The following SHISA9 variants were observed in gnomAD, a reference collection of about 807,000 sequenced individuals.
SHISA9 encodes the protein shisa family member 9.
Under a neutral mutation model 38.0 loss-of-function variants are expected in SHISA9, and 13 were observed. The observed-to-expected ratio is 0.34, with a 90% confidence interval of 0.22 to 0.54. The LOEUF (loss-of-function observed/expected upper bound fraction) is 0.54. Ranked by LOEUF, SHISA9 falls within the 20% of genes least tolerant of loss-of-function variation. The pLI is 0.91. For missense variants in SHISA9, 538 were observed against 575.8 expected (o/e 0.93, Z 0.67); for synonymous variants, 275 against 242.0 (o/e 1.14, Z -1.27).
the SHISA9 span, among the ~76,000 whole-genome samples, chr16:13,440,513 A>T: frequency 6.6e-6 from 1 of 152,238 alleles, no homozygotes; most frequent in Non-Finnish European, 1.5e-5. Flanking sequence ...TCAAAATGTC[A>T]AGACTGACGC....
At chr16:13,395,480 G>T in the SHISA9 span, among the ~76,000 whole-genome samples, 2 of 152,228 alleles carry the variant, frequency 1.3e-5, no homozygotes, top group Non-Finnish European at 2.9e-5. Context: ...CGACATTAAG[G>T]GACTGAGCCC....
chr16:13,100,268 C>T (rs1332133206), intron 2 of SHISA9, among the ~76,000 whole-genome samples: 1 of 152,214 alleles, frequency 6.6e-6, no homozygotes, highest in African/African-American at 2.4e-5. Flanking sequence ...CAAGCATACA[C>T]CCAGTTTACT....
At chr16:13,551,409 G>C in the SHISA9 span, among the ~76,000 whole-genome samples, 1 of 152,154 alleles carries the variant, frequency 6.6e-6, no homozygotes, top group Admixed American at 6.5e-5. Context: ...ATTTGTGTTT[G>C]TAAGTACATG....
chr16:13,206,963 C>T (rs960240606), intron 3 of SHISA9, among the ~76,000 whole-genome samples: 1 of 152,228 alleles, frequency 6.6e-6, no homozygotes, highest in Non-Finnish European at 1.5e-5. Flanking sequence ...TTTGGTGGCC[C>T]ACTTCCCTTT....
At chr16:13,043,448 T>G (rs1469342593) in intron 2 of SHISA9, among the ~76,000 whole-genome samples, 1 of 152,250 alleles carries the variant, frequency 6.6e-6, no homozygotes, top group East Asian at 1.9e-4. Flanking sequence ...GATTCCTGAA[T>G]TGGATTTTTA....
At chr16:13,387,989 T>C in the SHISA9 span, among the ~76,000 whole-genome samples, 1 of 152,138 alleles carries the variant, frequency 6.6e-6, no homozygotes. Flanking sequence ...CTGACAGTGT[T>C]AGAATACTGA....
chr16:13,434,419 G>GGTTTTTTTTTTTTTTTTT, the SHISA9 span, among the ~76,000 whole-genome samples: 1 of 64,550 alleles, frequency 1.5e-5, no homozygotes, highest in Admixed American at 1.9e-4. Flanking sequence ...GACAAGCTAT[G>GGTTTTTTTTTTTTTTTTT]TTTTTTTTTT....
chr16:13,093,977 G>T (rs559090606), intron 2 of SHISA9, among the ~76,000 whole-genome samples: 1 of 151,912 alleles, frequency 6.6e-6, no homozygotes, highest in Admixed American at 6.6e-5. Flanking sequence ...TTCTGCCTGC[G>T]TCCCAGCCAC....
At chr16:13,053,257 G>A (rs967600009) in intron 2 of SHISA9, among the ~76,000 whole-genome samples, 3 of 150,700 alleles carry the variant, frequency 2.0e-5, no homozygotes, top group African/African-American at 7.5e-5. Flanking sequence ...ACCATCGCAC[G>A]CAGCCCCCTT....
chr16:13,544,452 G>A, the SHISA9 span, among the ~76,000 whole-genome samples: 4 of 71,202 alleles, frequency 5.6e-5, no homozygotes, highest in Non-Finnish European at 7.4e-5. Flanking sequence ...TTTTTTCCCC[G>A]CTGGATGTTG....
chr16:12,918,530 T>C (rs1386911591), intron 2 of SHISA9, among the ~76,000 whole-genome samples: 1 of 152,214 alleles, frequency 6.6e-6, no homozygotes, highest in African/African-American at 2.4e-5. Context: ...GCGGGAAACC[T>C]TAATGAATGT....
the SHISA9 span, among the ~76,000 whole-genome samples, chr16:13,543,166 T>C: frequency 3.9e-5 from 6 of 152,152 alleles, no homozygotes; most frequent in Non-Finnish European, 5.9e-5. Flanking sequence ...CTTGAAAGCA[T>C]TGTTATGCCT....
chr16:13,477,062 T>A, the SHISA9 span, among the ~76,000 whole-genome samples: 1 of 152,058 alleles, frequency 6.6e-6, no homozygotes, highest in Non-Finnish European at 1.5e-5. Context: ...TTTTGAACAA[T>A]GTTCTTACGT....
chr16:13,117,987 G>T (rs1003387815), intron 2 of SHISA9, among the ~76,000 whole-genome samples: 1 of 152,074 alleles, frequency 6.6e-6, no homozygotes, highest in Non-Finnish European at 1.5e-5. Flanking sequence ...TTCGAGACCA[G>T]CCTGGCCAAC....
chr16:13,474,167 A>C, the SHISA9 span: 2 of 152,160 alleles, frequency 1.3e-5, no homozygotes, highest in African/African-American at 4.8e-5. Context: ...CTTGCAGCTG[A>C]GCATAATCTT....
At chr16:12,966,877 G>A (rs2071986233) in intron 2 of SHISA9, among the ~76,000 whole-genome samples, 1 of 152,170 alleles carries the variant, frequency 6.6e-6, no homozygotes, top group African/African-American at 2.4e-5. Flanking sequence ...CTTCCTGTAG[G>A]ATAATTAGCT....
At chr16:13,367,656 G>GT in the SHISA9 span, among the ~76,000 whole-genome samples, 1 of 149,678 alleles carries the variant, frequency 6.7e-6, no homozygotes, top group Non-Finnish European at 1.5e-5. Flanking sequence ...TAGGATGCGG[G>GT]GGGGAATGAA....
chr16:13,038,952 A>C (rs2073103926), intron 2 of SHISA9, among the ~76,000 whole-genome samples: 1 of 152,214 alleles, frequency 6.6e-6, no homozygotes, highest in Non-Finnish European at 1.5e-5. Context: ...CTCTGTTTTC[A>C]GACTGGAGTG....
intron 2 of SHISA9, among the ~76,000 whole-genome samples, chr16:13,063,409 G>A (rs929975659): frequency 2.0e-5 from 3 of 152,050 alleles, no homozygotes; most frequent in African/African-American, 7.2e-5. Context: ...CTATAGTTAG[G>A]CTAGTGCCTG....
Sources: allele counts gnomAD v4.1 joint callset (sites outside exome capture counted in the v4.1 genomes callset), GRCh38; gene constraint gnomAD v4.1.1; transcripts MANE v1.5; gene names NCBI Gene and HGNC (gene_info 2026-07-23, HGNC 2026-07-21).